The following SNX29 variants were observed in gnomAD, a reference collection of about 807,000 sequenced individuals.
SNX29 encodes sorting nexin 29, also known as sorting nexin-29.
Under a neutral mutation model 102.1 loss-of-function variants are expected in SNX29, and 78 were observed. The observed-to-expected ratio is 0.76, with a 90% CI of 0.64 to 0.92. SNX29 has a LOEUF of 0.92. Among genes scored for constraint, SNX29 ranks in the 40% least tolerant of loss-of-function variants. SNX29 has a pLI of 0.00. For synonymous variants in SNX29, 580 were observed against 414.5 expected (o/e 1.40, Z -4.85); for missense variants, 1,280 against 1,061.7 (o/e 1.21, Z -2.86).
intron 20 of SNX29, among the ~76,000 whole-genome samples, chr16:12,566,782 C>T (rs766237332): frequency 3.9e-5 from 6 of 152,252 alleles, no homozygotes; most frequent in Non-Finnish European, 8.8e-5. Flanking sequence ...GCACAGCACA[C>T]GCCAGGCTGG....
chr16:12,361,861 C>T (rs1037708152), intron 16 of SNX29, among the ~76,000 whole-genome samples: 2 of 151,674 alleles, frequency 1.3e-5, no homozygotes, highest in African/African-American at 2.4e-5. Flanking sequence ...TCTCTTACCC[C>T]CTGATTTTCC....
chr16:12,069,686 A>G (rs1381510026), intron 10 of SNX29, among the ~76,000 whole-genome samples: 1 of 151,208 alleles, frequency 6.6e-6, no homozygotes, highest in Admixed American at 6.6e-5. Flanking sequence ...TGCCTCCTCT[A>G]TTGTTATTTT....
intron 15 of SNX29, among the ~76,000 whole-genome samples, chr16:12,336,969 A>G (rs1449890605): frequency 6.6e-6 from 1 of 152,206 alleles, no homozygotes; most frequent in Admixed American, 6.5e-5. Flanking sequence ...CAAACAAAAA[A>G]CAGACACCAC....
chr16:12,365,083 A>G (rs919125744), intron 16 of SNX29, among the ~76,000 whole-genome samples: 2 of 152,162 alleles, frequency 1.3e-5, no homozygotes, highest in African/African-American at 4.8e-5. Context: ...ACACAGCTTC[A>G]TGGTAGCACC....
At position 12,096,640 on chromosome 16, in the gene SNX29, C is replaced by T. The variant is rs533433059; in HGVS notation, c.1402+17725C>T. ...TGATGAATGATTGGATGGGGCAAAA[C>T]GGGAGGCAATGGGGTCATGTGGGAG... On this transcript the variant is annotated intron_variant, in intron 11 of 20. Transcript: ENST00000566228. This position sits in a 1 kb window ranked among gnomAD's most constrained non-coding sequence, Gnocchi z 4.2. 7.9e-5 allele frequency among the ~76,000 whole-genome samples: 12 copies of T among 152,232 alleles called. No homozygotes were observed. The South Asian group carries it at 1.5e-3, about 18-fold the overall frequency.
At chr16:12,292,297 G>T (rs1431172849) in intron 15 of SNX29, among the ~76,000 whole-genome samples, 2 of 152,296 alleles carry the variant, frequency 1.3e-5, no homozygotes, top group East Asian at 3.9e-4. Context: ...AGCACTGTTT[G>T]TCATTCCTAC....
intron 15 of SNX29, 42 bp downstream of exon 15, chr16:12,278,078 G>A: frequency 2.0e-6 from 3 of 1,538,282 alleles, no homozygotes; most frequent in African/African-American, 1.4e-5. Flanking sequence ...TCTGATGTTG[G>A]CTGCGTTGGA....
intron 18 of SNX29, among the ~76,000 whole-genome samples, chr16:12,468,135 G>A (rs59414630): frequency 2.2e-3 from 315 of 146,060 alleles, no homozygotes; most frequent in African/African-American, 7.6e-3. Context: ...TTGCCCTACA[G>A]CTGTTCCCCT....
chr16:12,296,080 C>T (rs1482628429), intron 15 of SNX29, among the ~76,000 whole-genome samples: 1 of 152,148 alleles, frequency 6.6e-6, no homozygotes, highest in East Asian at 1.9e-4. Flanking sequence ...TTTTTGTCTT[C>T]CTGAAAAATT....
Position 12,402,944 on chromosome 16 carries a change from G to C in SNX29, c.1956-504G>C, listed in dbSNP as rs76017500. ...CCATGAGTGTTGGTCTCCTGAGCTC[G>C]TTTGTGGAGTCTGATCTTAAAATGG... On this transcript the variant is annotated intron_variant, in intron 17 of 20. Coordinates refer to ENST00000566228, the MANE Select transcript of SNX29 (RefSeq NM_032167.5). 9.9e-3 allele frequency among the ~76,000 whole-genome samples: 1,501 copies of C among 152,218 alleles called. 24 individuals carry two copies. The highest frequency in any genetic ancestry group is 0.034 in the African/African-American group (1,402 of 41,512).
chr16:12,121,419 T>C (rs2053966363), intron 11 of SNX29, among the ~76,000 whole-genome samples: 1 of 152,250 alleles, frequency 6.6e-6, no homozygotes, highest in African/African-American at 2.4e-5. Flanking sequence ...ACTGCTTTAT[T>C]CCCTGTGGCC....
intron 15 of SNX29, among the ~76,000 whole-genome samples, chr16:12,297,000 C>T (rs2080004218): frequency 6.6e-6 from 1 of 152,226 alleles, no homozygotes; most frequent in South Asian, 2.1e-4. Flanking sequence ...ACCCCCTTCC[C>T]CACAACTGTG....
At chr16:12,074,265 C>T (rs540064997) in intron 10 of SNX29, among the ~76,000 whole-genome samples, 45 of 152,032 alleles carry the variant, frequency 3.0e-4, no homozygotes, top group African/African-American at 8.9e-4. Context: ...TTTCTAGTCT[C>T]GATGGTCTTT....
At chr16:12,380,319 TCCACCCACCCATACCCC>T (rs1411418258) in intron 16 of SNX29, among the ~76,000 whole-genome samples, 5 of 133,722 alleles carry the variant, frequency 3.7e-5, no homozygotes, top group Non-Finnish European at 6.5e-5. Flanking sequence ...CCACCTATCA[TCCACCCACCCATACCCC>T]CCACCCACCC....
At chr16:12,499,636 A>T (rs575664067) in intron 19 of SNX29, among the ~76,000 whole-genome samples, 5 of 152,224 alleles carry the variant, frequency 3.3e-5, no homozygotes, top group Non-Finnish European at 7.3e-5. Context: ...CCGGTGAATT[A>T]GAATCTCTAC....
At chr16:12,298,042 C>T (rs1259991352) in intron 15 of SNX29, among the ~76,000 whole-genome samples, 1 of 152,156 alleles carries the variant, frequency 6.6e-6, no homozygotes, top group Non-Finnish European at 1.5e-5. Flanking sequence ...TGGTGGTGTG[C>T]GTCTGCGATC....
chr16:12,547,890 G>T (rs1293588195), intron 20 of SNX29, among the ~76,000 whole-genome samples: 1 of 152,168 alleles, frequency 6.6e-6, no homozygotes, highest in Non-Finnish European at 1.5e-5. Flanking sequence ...AGCAGTTCTA[G>T]GGCTGTATAG....
intron 15 of SNX29, among the ~76,000 whole-genome samples, chr16:12,342,724 A>T (rs1288449617): frequency 6.6e-6 from 1 of 152,178 alleles, no homozygotes; most frequent in East Asian, 1.9e-4. Flanking sequence ...GAGAGGTTGA[A>T]TGATTTACCC....
At chr16:12,564,277 A>G (rs2078896146) in intron 20 of SNX29, among the ~76,000 whole-genome samples, 2 of 152,232 alleles carry the variant, frequency 1.3e-5, no homozygotes, top group Non-Finnish European at 2.9e-5. Context: ...TGCCTCTACC[A>G]GTAAAAGTTC....
Sources: gnomAD v4.1 joint callset for allele counts (sites outside exome capture counted in the v4.1 genomes callset) on GRCh38, gnomAD v4.1.1 for gene constraint, Gnocchi (gnomAD v3.1) non-coding constraint, MANE v1.5 for transcripts, NCBI Gene and HGNC (gene_info 2026-07-23, HGNC 2026-07-21) for gene names.